AGTR1: variants seen among roughly 807,000 people sequenced by gnomAD.
AGTR1 encodes angiotensin II receptor type 1, also known as type-1 angiotensin II receptor.
Under a neutral mutation model 19.4 loss-of-function variants are expected in AGTR1, and 16 were observed. The observed-to-expected ratio is 0.82, with a 90% CI of 0.56 to 1.25. The LOEUF (loss-of-function observed/expected upper bound fraction) is 1.25, where lower values mean the gene tolerates loss of function less well. Among genes scored for constraint, AGTR1 ranks in the 50% most tolerant of loss-of-function variants. The probability of loss-of-function intolerance (pLI) is 0.00; values close to 1 mark genes in which losing one functional copy is unlikely to be tolerated. For synonymous variants in AGTR1, 153 were observed against 154.9 expected, an observed-to-expected ratio of 0.99 and a Z score of 0.09; for missense variants, 373 against 431.9, an observed-to-expected ratio of 0.86 and a Z score of 1.21.
intron 2 of AGTR1, among the ~76,000 whole-genome samples, chr3:148,710,938 C>T (rs1712949013): frequency 6.6e-6 from 1 of 152,108 alleles, no homozygotes; most frequent in Admixed American, 6.5e-5. Context: ...ATGTGACATG[C>T]TGGTTCCCTA....
chr3:148,701,085 A>G (rs1030439038), intron 1 of AGTR1, among the ~76,000 whole-genome samples: 2 of 152,226 alleles, frequency 1.3e-5, no homozygotes, highest in African/African-American at 4.8e-5. Flanking sequence ...ATCTTAAATC[A>G]AGGAATATCT....
intron 2 of AGTR1, among the ~76,000 whole-genome samples, chr3:148,728,139 G>C (rs1401917298): frequency 6.6e-6 from 1 of 152,078 alleles, no homozygotes; most frequent in Admixed American, 6.6e-5. Context: ...ATGCCAAAAA[G>C]TAAAAATAAT....
chr3:148,715,258 G>C (rs1306870921), intron 2 of AGTR1, among the ~76,000 whole-genome samples: 1 of 151,970 alleles, frequency 6.6e-6, no homozygotes, highest in Non-Finnish European at 1.5e-5. Flanking sequence ...TTCATGTCCT[G>C]CTATTCTTTA....
rs1307346486 is a variant in AGTR1, at chr3:148,741,980, G to A, written c.945G>A (p.Gln315=). The A allele has an allele frequency of 6.2e-7, 1 of 1,613,322 alleles. No individual in the cohort carries two copies. The highest frequency in any genetic ancestry group is 2.2e-5 in the East Asian group (1 of 44,876). Residue 315 remains glutamine (Q), a synonymous_variant, in exon 3 of 3, where the codon CAG becomes CAA. Coordinates refer to ENST00000349243, the MANE Select transcript of AGTR1 (RefSeq NM_000685.5). ...LGKKFKRYFL[Q]LLKYIPPKAK... ...AAAAATTTAAAAGATATTTTCTCCAGCTTCTAAAATATATTCCCCCAAAAG... is the reference window on the plus strand; with the variant it reads ...AAAAATTTAAAAGATATTTTCTCCAACTTCTAAAATATATTCCCCCAAAAG...
chr3:148,722,108 A>G (rs1402897031), intron 2 of AGTR1, among the ~76,000 whole-genome samples: 1 of 152,206 alleles, frequency 6.6e-6, no homozygotes, highest in African/African-American at 2.4e-5. Context: ...AATATCCAAC[A>G]AAGTAAAATT....
At chr3:148,722,157 C>T (rs1039891793) in intron 2 of AGTR1, among the ~76,000 whole-genome samples, 5 of 151,804 alleles carry the variant, frequency 3.3e-5, no homozygotes, top group Admixed American at 6.6e-5. Flanking sequence ...ACCAGGCATG[C>T]GAAGAAGCTG....
rs775810028 is a variant in AGTR1 at position 148,741,295 on chromosome 3, A to G, written c.260A>G (p.Tyr87Cys). 1.9e-6 allele frequency: 3 copies of G among 1,612,708 alleles called. No homozygotes were observed. Among genetic ancestry groups the G allele is most frequent in the Middle Eastern group, 1.7e-4 (1 of 6,060 alleles). ...CTGACTTTGCCACTATGGGCTGTCTACACAGCTATGGAATACCGCTGGCCC... is the reference window on the plus strand; with the variant it reads ...CTGACTTTGCCACTATGGGCTGTCTGCACAGCTATGGAATACCGCTGGCCC... Reference protein sequence around the residue: ...FLLTLPLWAVYTAMEYRWPFG... With the variant: ...FLLTLPLWAVCTAMEYRWPFG... Residue 87 changes from tyrosine (Y) to cysteine (C), a missense_variant, in exon 3 of 3, where the codon TAC becomes TGC. Transcript: ENST00000349243.
intron 2 of AGTR1, chr3:148,740,041 T>A: frequency 9.0e-7 from 1 of 1,114,654 alleles, no homozygotes; most frequent in Non-Finnish European, 1.1e-6. Flanking sequence ...GTTGATTTTC[T>A]AAATCACATA....
chr3:148,701,485 G>A (rs1712338201), intron 1 of AGTR1, among the ~76,000 whole-genome samples: 1 of 152,172 alleles, frequency 6.6e-6, no homozygotes, highest in Admixed American at 6.5e-5. Flanking sequence ...AATGCTGTAT[G>A]ATTACATTAT....
At chr3:148,724,067 A>G (rs1461854944) in intron 2 of AGTR1, among the ~76,000 whole-genome samples, 1 of 152,140 alleles carries the variant, frequency 6.6e-6, no homozygotes, top group Non-Finnish European at 1.5e-5. Flanking sequence ...ATATATATAT[A>G]TTAGTTGAAA....
At chr3:148,724,219 G>A (rs1296434111) in intron 2 of AGTR1, among the ~76,000 whole-genome samples, 2 of 152,152 alleles carry the variant, frequency 1.3e-5, no homozygotes. Context: ...CCAAGAAAGG[G>A]GGAGGGCCCT....
At chr3:148,737,376 CCCCCACTGCCCTCTCACCAT>C (rs1559932476) in intron 2 of AGTR1, among the ~76,000 whole-genome samples, 1 of 152,022 alleles carries the variant, frequency 6.6e-6, no homozygotes, top group East Asian at 1.9e-4. Flanking sequence ...CCTCTCCCCA[CCCCCACTGCCCTCTCACCAT>C]CCTTCCCCCA....
At chr3:148,740,104 G>A (rs1714788119) in intron 2 of AGTR1, 14 of 822,696 alleles carry the variant, frequency 1.7e-5, no homozygotes, top group Non-Finnish European at 1.1e-5. Flanking sequence ...ATATTTGCAT[G>A]GCTTTGTGCA....
intron 1 of AGTR1, among the ~76,000 whole-genome samples, chr3:148,700,207 C>T (rs1161325582): frequency 6.6e-6 from 1 of 152,098 alleles, no homozygotes; most frequent in Non-Finnish European, 1.5e-5. Context: ...CCTGCTGCTA[C>T]TTACGACTGC....
At chr3:148,709,473 A>G (rs922042404) in intron 2 of AGTR1, among the ~76,000 whole-genome samples, 1 of 152,192 alleles carries the variant, frequency 6.6e-6, no homozygotes. Flanking sequence ...TAGGAATAAC[A>G]AAACATGGAA....
At chr3:148,702,885 AAAT>A (rs1456786271) in intron 1 of AGTR1, among the ~76,000 whole-genome samples, 1 of 152,202 alleles carries the variant, frequency 6.6e-6, no homozygotes, top group African/African-American at 2.4e-5. Context: ...GTTAAGAAAT[AAAT>A]AATTTTTCTA....
chr3:148,741,162 A>ATT lies in AGTR1; in HGVS notation c.128_129insTT (p.Phe44TyrfsTer8). On this transcript the variant is annotated frameshift_variant, in exon 3 of 3. Transcript: ENST00000349243. LOFTEE classifies it high-confidence loss of function. ...ATACAGTATCATCTTTGTGGTGGGA[A>ATT]TATTTGGAAACAGCTTGGTGGTGAT... 6.2e-7 allele frequency: 1 copy of ATT among 1,614,178 alleles called. No homozygotes were observed. The highest frequency in any genetic ancestry group is 1.7e-5 in the Admixed American group (1 of 60,016).
At chr3:148,715,493 T>C (rs1370963996) in intron 2 of AGTR1, among the ~76,000 whole-genome samples, 1 of 152,050 alleles carries the variant, frequency 6.6e-6, no homozygotes. Flanking sequence ...GGTAGCTGCC[T>C]CACCAGCCTC....
At chr3:148,703,344 A>T (rs1712464581) in intron 1 of AGTR1, among the ~76,000 whole-genome samples, 1 of 152,242 alleles carries the variant, frequency 6.6e-6, no homozygotes, top group African/African-American at 2.4e-5. Flanking sequence ...TTGATTGCAT[A>T]AGAATCTGCA....
Sources: allele counts gnomAD v4.1 joint callset (sites outside exome capture counted in the v4.1 genomes callset), GRCh38; gene constraint gnomAD v4.1.1; transcripts MANE v1.5; gene names NCBI Gene and HGNC (gene_info 2026-07-23, HGNC 2026-07-21).